The following UGGT1 variants were observed in gnomAD, a reference collection of about 807,000 sequenced individuals.
UGGT1 encodes the protein UDP-glucose:glycoprotein glucosyltransferase 1.
A neutral mutation model predicts 203.9 loss-of-function variants in UGGT1; 107 were observed. The ratio of observed to expected loss-of-function variants is 0.52; its 90% CI spans 0.45 to 0.62. The LOEUF (loss-of-function observed/expected upper bound fraction) is 0.62, where lower values mean the gene tolerates loss of function less well. UGGT1 is among the 20% of genes least tolerant of loss of function. UGGT1 has a pLI of 0.00. For synonymous variants in UGGT1, 628 were observed against 653.5 expected, an observed-to-expected ratio of 0.96 and a Z score of 0.59; for missense variants, 1,673 against 1,867.2, an observed-to-expected ratio of 0.90 and a Z score of 1.92.
intron 11 of UGGT1, among the ~76,000 whole-genome samples, chr2:128,124,046 C>T (rs1036904001): frequency 6.6e-6 from 1 of 152,078 alleles, no homozygotes; most frequent in African/African-American, 2.4e-5. Context: ...TCCAGGTTCA[C>T]GCCATTCTTC....
chr2:128,166,988 C>T (rs1368096979), intron 26 of UGGT1, among the ~76,000 whole-genome samples: 3 of 152,130 alleles, frequency 2.0e-5, no homozygotes, highest in Admixed American at 6.5e-5. Context: ...TGGAGGCCCT[C>T]TCTGTTTGCA....
In UGGT1 at chr2:128,091,332, T is replaced by G; in HGVS notation, c.-26T>G. 6.5e-7 allele frequency: 1 copy of G among 1,547,538 alleles called. No individual in the cohort carries two copies. Among genetic ancestry groups the G allele is most frequent in the Non-Finnish European group, 8.7e-7 (1 of 1,145,974 alleles). Reference sequence around the variant, plus strand: ...CCTGCCCTGGCGTTGTCTCTGGCACTGTGGCGGACTGACCACGGCCCGGGC... The same window carrying G: ...CCTGCCCTGGCGTTGTCTCTGGCACGGTGGCGGACTGACCACGGCCCGGGC... On this transcript the variant is annotated 5_prime_UTR_variant, in exon 1 of 41. Transcript: ENST00000259253.
At position 128,108,057 on chromosome 2, in the gene UGGT1, G is replaced by A; in HGVS notation, c.397G>A (p.Ala133Thr). The change falls in exon 4 of 41, where the codon GCC becomes ACC. Residue 133 changes from alanine to threonine, a missense_variant. Ala to Thr is a moderately conservative substitution (Grantham distance 58). This residue lies in a region of UGGT1 where 1,073 missense variants were observed against 1,078.7 expected (regional missense o/e 0.99). Transcript: ENST00000259253. ...TCGTTCTTACTCAGCTACAATCCAA[G>A]CCTTCCAGCAGGTGGGTCCAGTGCT... is the stretch of plus-strand genomic sequence containing the variant. ...SLRSYSATIQAFQQIAADEPP... is the reference protein window; with the variant it reads ...SLRSYSATIQTFQQIAADEPP... The A allele has an allele frequency of 6.2e-7, 1 of 1,614,012 alleles. No individual in the cohort carries two copies. The highest frequency in any genetic ancestry group is 8.5e-7 in the Non-Finnish European group (1 of 1,179,990).
intron 17 of UGGT1, among the ~76,000 whole-genome samples, chr2:128,143,451 G>C (rs1689535557): frequency 6.6e-6 from 1 of 152,180 alleles, no homozygotes; most frequent in African/African-American, 2.4e-5. Context: ...TAATGGAACT[G>C]TTTAAGTCTC....
At chr2:128,096,787 G>T (rs1687134351) in intron 1 of UGGT1, among the ~76,000 whole-genome samples, 1 of 152,086 alleles carries the variant, frequency 6.6e-6, no homozygotes, top group African/African-American at 2.4e-5. Flanking sequence ...AGCTTTATTT[G>T]CTTTCATCCT....
intron 29 of UGGT1, among the ~76,000 whole-genome samples, chr2:128,172,965 G>T (rs141100822): frequency 5.3e-5 from 8 of 152,256 alleles, no homozygotes; most frequent in Admixed American, 3.3e-4. Flanking sequence ...TCACGGAGTT[G>T]TGCAGCCATC....
At chr2:128,152,709 T>C (rs1226220442) in intron 18 of UGGT1, 75 bp from the exon 19 acceptor site, 1 of 1,535,932 alleles carries the variant, frequency 6.5e-7, no homozygotes, top group East Asian at 2.3e-5. Context: ...TTAATAATTT[T>C]TTGGTTCCTA....
At chr2:128,092,321 C>CTTAT (rs143592868) in intron 1 of UGGT1, among the ~76,000 whole-genome samples, 44,950 of 145,374 alleles carry the variant, frequency 0.31, 8,251 homozygotes, top group Non-Finnish European at 0.4. Flanking sequence ...TAAAAAAATT[C>CTTAT]TTATTTATTT....
Position 128,176,806 on chromosome 2 carries a change from T to C in UGGT1, c.3540-8T>C. On this transcript the variant is annotated splice_polypyrimidine_tract_variant and splice_region_variant and intron_variant, in intron 31 of 40. Coordinates refer to ENST00000259253, the MANE Select transcript of UGGT1 (RefSeq NM_020120.4). ...CCTTGTAATATTGATCTTTCTTTTCTCGCAAAGCCACGATGGCACTGATTC... is the reference window on the plus strand; with the variant it reads ...CCTTGTAATATTGATCTTTCTTTTCCCGCAAAGCCACGATGGCACTGATTC... The C allele has an allele frequency of 6.2e-7, 1 of 1,613,416 alleles. No individual in the cohort carries two copies. Among genetic ancestry groups the C allele is most frequent in the South Asian group, 1.1e-5 (1 of 90,958 alleles).
chr2:128,170,417 A>G (rs1164050568), intron 27 of UGGT1, 27 bp downstream of exon 27: 3 of 1,597,774 alleles, frequency 1.9e-6, no homozygotes, highest in Non-Finnish European at 2.6e-6. Context: ...GGAAGTGTAC[A>G]TCACCTTTGT....
chr2:128,145,508 A>G, intron 17 of UGGT1: 1 of 132,246 alleles, frequency 7.6e-6, no homozygotes, highest in Admixed American at 1.4e-4. Context: ...ACAAACACAC[A>G]CACACACACA....
In UGGT1 at chr2:128,130,122, G is replaced by A. The variant is rs541381482; in HGVS notation, c.1377+943G>A. Among the ~76,000 whole-genome samples, 7 of 152,212 alleles carry A rather than the reference G, an allele frequency of 4.6e-5. No individual in the cohort carries two copies. The East Asian group carries it at 1.4e-3, about 29-fold the overall frequency. On this transcript the variant is annotated intron_variant, in intron 13 of 40. Coordinates refer to ENST00000259253, the MANE Select transcript of UGGT1 (RefSeq NM_020120.4). ...CTCAAAATACAAAAATTAGCCGGGT[G>A]TGGTGGCACACACCTCCTAATCTTA...
At chr2:128,151,148 G>A (rs997863808) in intron 18 of UGGT1, 1 of 437,062 alleles carries the variant, frequency 2.3e-6, no homozygotes, top group Admixed American at 3.2e-5. Context: ...ATTGCACCCG[G>A]CCCAGATTTC....
chr2:128,124,925 C>A (rs1334674424), intron 11 of UGGT1, among the ~76,000 whole-genome samples: 1 of 152,190 alleles, frequency 6.6e-6, no homozygotes, highest in African/African-American at 2.4e-5. Context: ...GGTGATCACA[C>A]TCAGAGTGAG....
chr2:128,174,607 A>G (rs1691282492), intron 30 of UGGT1, among the ~76,000 whole-genome samples, 166 bp from the exon 31 acceptor site: 1 of 152,152 alleles, frequency 6.6e-6, no homozygotes, highest in Admixed American at 6.5e-5. Context: ...GGTCTGTGCT[A>G]GAGTTTTTAA....
intron 5 of UGGT1, among the ~76,000 whole-genome samples, chr2:128,111,548 C>T (rs1301133362): frequency 6.6e-6 from 1 of 151,932 alleles, no homozygotes; most frequent in Non-Finnish European, 1.5e-5. Flanking sequence ...CTCTGTCGCC[C>T]AGGCTGGAGT....
In UGGT1 at chr2:128,135,163, A is replaced by G. The variant is rs988290898; in HGVS notation, c.1583+202A>G. ...CTCAATGAATAGAAGCTTACCACCA[A>G]TGAATTATCAATAAATAGCCCATGT... On this transcript the variant is annotated intron_variant, in intron 15 of 40. Coordinates refer to ENST00000259253, the MANE Select transcript of UGGT1 (RefSeq NM_020120.4). Among the ~76,000 whole-genome samples, 8 of 152,334 alleles carry G rather than the reference A, an allele frequency of 5.3e-5. No individual in the cohort carries two copies. In the South Asian group the frequency reaches 1.0e-3, roughly 20 times the overall value.
intron 10 of UGGT1, among the ~76,000 whole-genome samples, chr2:128,121,882 G>A (rs1443054645): frequency 6.6e-6 from 1 of 152,214 alleles, no homozygotes; most frequent in Admixed American, 6.5e-5. Context: ...TTCCTCAGCA[G>A]TGGAACGAGA....
chr2:128,096,514 C>G (rs1050994282), intron 1 of UGGT1, among the ~76,000 whole-genome samples: 14 of 152,176 alleles, frequency 9.2e-5, no homozygotes, highest in African/African-American at 3.4e-4. Flanking sequence ...TAGTGTGTGC[C>G]TCTGTCTTCA....
Sources: gnomAD v4.1 joint callset for allele counts (sites outside exome capture counted in the v4.1 genomes callset) on GRCh38, gnomAD v4.1.1 for gene constraint, gnomAD v4.1.1 regional missense constraint, MANE v1.5 for transcripts, NCBI Gene and HGNC (gene_info 2026-07-23, HGNC 2026-07-21) for gene names.